Variants in GREB1L observed in about 807,000 individuals in gnomAD.
GREB1L encodes GREB1 like retinoic acid receptor coactivator, also known as GREB1-like protein.
In GREB1L, 17 loss-of-function variants were observed where a neutral mutation model predicts 200.8. The observed-to-expected ratio is 0.08, with a 90% CI of 0.06 to 0.13. The LOEUF (loss-of-function observed/expected upper bound fraction) is 0.13. Ranked by LOEUF, GREB1L falls within the 10% of genes least tolerant of loss-of-function variation. The probability of loss-of-function intolerance (pLI) is 1.00; values close to 1 mark genes in which losing one functional copy is unlikely to be tolerated. For synonymous variants in GREB1L, 789 were observed against 893.0 expected (o/e 0.88, Z 2.08); for missense variants, 1,657 against 2,367.7 (o/e 0.70, Z 6.23).
At chr18:21,402,361 A>ATCCT (rs544628082) in intron 6 of GREB1L, among the ~76,000 whole-genome samples, 9 of 150,374 alleles carry the variant, frequency 6.0e-5, no homozygotes, top group Middle Eastern at 3.4e-3. Context: ...GTGGCAATTC[A>ATCCT]TCCTTCCTTC....
intron 7 of GREB1L, among the ~76,000 whole-genome samples, chr18:21,420,756 C>G (rs2032082174): frequency 6.6e-6 from 1 of 152,128 alleles, no homozygotes; most frequent in Non-Finnish European, 1.5e-5. Flanking sequence ...TATATACCAG[C>G]CATATGGTCT....
At chr18:21,513,034 C>T (rs1050128174) in intron 27 of GREB1L, among the ~76,000 whole-genome samples, 16 of 152,094 alleles carry the variant, frequency 1.1e-4, no homozygotes, top group African/African-American at 2.7e-4. Flanking sequence ...TAACATTCAC[C>T]GAGTACTTAG....
intron 1 of GREB1L, among the ~76,000 whole-genome samples, chr18:21,329,979 G>A (rs944302725): frequency 2.0e-5 from 3 of 149,312 alleles, no homozygotes; most frequent in Non-Finnish European, 4.5e-5. Context: ...TGGGGGGGGG[G>A]GGTCTTTATC....
At chr18:21,375,192 G>A (rs1270403345) in intron 2 of GREB1L, among the ~76,000 whole-genome samples, 5 of 151,828 alleles carry the variant, frequency 3.3e-5, no homozygotes, top group Admixed American at 6.6e-5. Flanking sequence ...AGCCTCCCGA[G>A]TAGCTGGGAC....
chr18:21,482,414 C>A (rs567728984), intron 17 of GREB1L, among the ~76,000 whole-genome samples: 1 of 152,126 alleles, frequency 6.6e-6, no homozygotes, highest in Non-Finnish European at 1.5e-5. Flanking sequence ...TGTGCCACCA[C>A]GCTCGGCTAA....
intron 15 of GREB1L, among the ~76,000 whole-genome samples, chr18:21,470,419 A>T (rs183687620): frequency 1.0e-3 from 156 of 152,334 alleles, no homozygotes; most frequent in Non-Finnish European, 2.0e-3. Flanking sequence ...TAATAGTTTC[A>T]TCATTTTCTC....
intron 1 of GREB1L, among the ~76,000 whole-genome samples, chr18:21,272,962 C>T (rs993066683): frequency 2.6e-5 from 4 of 152,214 alleles, no homozygotes; most frequent in African/African-American, 7.2e-5. Flanking sequence ...CACAGTGGCT[C>T]ATGCCTGTAA....
chr18:21,476,580 G>GT lies in GREB1L; in HGVS notation c.2364-574dup, dbSNP rs1335806019. Among the ~76,000 whole-genome samples, 507 of 147,476 alleles carry GT rather than the reference G, an allele frequency of 3.4e-3. 3 individuals carry two copies. Among genetic ancestry groups the GT allele is most frequent in the Non-Finnish European group, 5.9e-3 (390 of 66,454 alleles). ...TTTGTTGTTGTTGTTTTGGGGTTTT[G>GT]TTTTTTTTTTAAACAGTCTAGCTGT... is the stretch of plus-strand genomic sequence containing the variant. On this transcript the variant is annotated intron_variant, in intron 16 of 32. Transcript: ENST00000424526.
chr18:21,472,205 CT>C (rs1254904977), intron 15 of GREB1L, among the ~76,000 whole-genome samples: 7 of 152,100 alleles, frequency 4.6e-5, no homozygotes, highest in Admixed American at 6.6e-5. Flanking sequence ...GTTCACTGAG[CT>C]GCATTTATAT....
intron 7 of GREB1L, among the ~76,000 whole-genome samples, chr18:21,438,774 C>T (rs1194312749): frequency 4.0e-5 from 6 of 151,276 alleles, no homozygotes; most frequent in African/African-American, 9.7e-5. Context: ...CTGGCTAACA[C>T]GGTGAAACCC....
At chr18:21,379,301 G>A (rs897129226) in intron 2 of GREB1L, among the ~76,000 whole-genome samples, 2 of 152,088 alleles carry the variant, frequency 1.3e-5, no homozygotes, top group African/African-American at 4.8e-5. Context: ...CCGCCTCCCG[G>A]GTTCAAGCGA....
intron 7 of GREB1L, among the ~76,000 whole-genome samples, chr18:21,436,672 GTGTGTGTGTGT>G (rs2033559931): frequency 5.7e-5 from 3 of 52,234 alleles, no homozygotes; most frequent in African/African-American, 1.5e-4. Context: ...GTTCAGTGGT[GTGTGTGTGTGT>G]GTGTGTGTGT....
chr18:21,326,511 G>A (rs1223555302), intron 1 of GREB1L, among the ~76,000 whole-genome samples: 1 of 152,122 alleles, frequency 6.6e-6, no homozygotes, highest in African/African-American at 2.4e-5. Flanking sequence ...CCTGTCTACA[G>A]TCCTCCCCGA....
At chr18:21,452,658 A>C (rs964528660) in intron 14 of GREB1L, among the ~76,000 whole-genome samples, 3 of 152,318 alleles carry the variant, frequency 2.0e-5, no homozygotes, top group Admixed American at 6.5e-5. Context: ...CTTTATTGGC[A>C]GATAGAGCAG....
chr18:21,294,525 G>A (rs1195175558), intron 1 of GREB1L, among the ~76,000 whole-genome samples: 1 of 151,988 alleles, frequency 6.6e-6, no homozygotes, highest in Admixed American at 6.6e-5. Context: ...CAGAATCCTT[G>A]AGGCATTAGG....
chr18:21,268,552 CACACACACAT>C (rs1480107251), intron 1 of GREB1L, among the ~76,000 whole-genome samples: 45 of 98,940 alleles, frequency 4.5e-4, no homozygotes, highest in African/African-American at 2.0e-3. Flanking sequence ...CACACACACA[CACACACACAT>C]ATATATATAT....
chr18:21,376,712 G>A (rs1205243929), intron 2 of GREB1L, among the ~76,000 whole-genome samples: 3 of 151,170 alleles, frequency 2.0e-5, no homozygotes, highest in African/African-American at 7.3e-5. Context: ...GGCTGAGGCA[G>A]GAGAGTGGTG....
intron 32 of GREB1L, among the ~76,000 whole-genome samples, chr18:21,521,183 C>T (rs1407335548): frequency 6.7e-6 from 1 of 150,176 alleles, no homozygotes; most frequent in Non-Finnish European, 1.5e-5. Flanking sequence ...GGCAACAGAG[C>T]AAGACTCCGT....
chr18:21,520,111 T>G lies in GREB1L; in HGVS notation c.5473-577T>G, dbSNP rs370356998. ...ACCATCACGCCTGGCTAATTTTTTT[T>G]GTATTTTTTACTAGAGATGGAATTT... On this transcript the variant is annotated intron_variant, in intron 31 of 32. Coordinates refer to ENST00000424526, the MANE Select transcript of GREB1L (RefSeq NM_001142966.3). Among the ~76,000 whole-genome samples, 6 of 152,232 alleles carry G rather than the reference T, an allele frequency of 3.9e-5. No individual in the cohort carries two copies. The East Asian group carries it at 1.2e-3, about 29-fold the overall frequency.
Sources: allele counts gnomAD v4.1 joint callset (sites outside exome capture counted in the v4.1 genomes callset), GRCh38; gene constraint gnomAD v4.1.1; transcripts MANE v1.5; gene names NCBI Gene and HGNC (gene_info 2026-07-23, HGNC 2026-07-21).